The following LRIG2 variants were observed in gnomAD, a reference collection of about 807,000 sequenced individuals.
LRIG2 encodes leucine-rich repeats and immunoglobulin-like domains protein 2.
In LRIG2, 93 loss-of-function variants were observed where a neutral mutation model predicts 107.8. That is an observed-to-expected ratio of 0.86 (90% CI 0.73 to 1.03). LRIG2 has a LOEUF of 1.03. Among genes scored for constraint, LRIG2 ranks in the 50% least tolerant of loss-of-function variants. The pLI is 0.00. For synonymous variants in LRIG2, 471 were observed against 470.6 expected (o/e 1.00, Z -0.01); for missense variants, 1,226 against 1,296.0 (o/e 0.95, Z 0.83).
chr1:113,099,539 T>C (rs1339940380), intron 9 of LRIG2, among the ~76,000 whole-genome samples: 1 of 152,038 alleles, frequency 6.6e-6, no homozygotes. Context: ...CATGCCCAGC[T>C]AGTTTTTTTG....
At position 113,096,438 on chromosome 1, in the gene LRIG2, C is replaced by T. The variant is rs958363353; in HGVS notation, c.1091+73C>T. The T allele has an allele frequency of 8.1e-6, 12 of 1,478,040 alleles. No individual in the cohort carries two copies. The Admixed American group carries it at 2.3e-4, about 29-fold the overall frequency. The allele number at this position is 1,478,040 out of a possible 1,614,324, so 91.6% of individuals were successfully genotyped here. ...GTACAATAAAGCAAATTAATTAAAA[C>T]AACTAATCAGTCTGCAAATTCTGTA... On this transcript the variant is annotated intron_variant, in intron 8 of 17. Coordinates refer to ENST00000361127, the MANE Select transcript of LRIG2 (RefSeq NM_014813.3).
At position 113,106,958 on chromosome 1, in the gene LRIG2, A is replaced by G. The variant is rs554165692; in HGVS notation, c.1314-636A>G. On this transcript the variant is annotated intron_variant, in intron 11 of 17. Coordinates refer to ENST00000361127, the MANE Select transcript of LRIG2 (RefSeq NM_014813.3). ...CCTCAAAAATTTAAAGGAAGGTACA[A>G]TTAACACCCCATACCCTTTATCTAG... Among the ~76,000 whole-genome samples, 21 of 152,324 alleles carry G rather than the reference A, an allele frequency of 1.4e-4. No homozygotes were observed. The South Asian group carries it at 3.7e-3, about 27-fold the overall frequency.
intron 2 of LRIG2, among the ~76,000 whole-genome samples, chr1:113,092,261 C>A (rs530356151): frequency 1.3e-5 from 2 of 152,192 alleles, no homozygotes; most frequent in African/African-American, 4.8e-5. Flanking sequence ...TTTCTGTGTT[C>A]TAGATTGTTG....
Position 113,130,306 on chromosome 1 carries a change from A to G in LRIG2, c.*6205A>G, listed in dbSNP as rs1655657060. ...TTCATGTTTAAAAACAGCTGTCTTC[A>G]CATTGCCCATTGTGAGGTTGTAAAA... is the stretch of plus-strand genomic sequence containing the variant. On this transcript the variant is annotated 3_prime_UTR_variant, in exon 18 of 18. Coordinates refer to ENST00000361127, the MANE Select transcript of LRIG2 (RefSeq NM_014813.3). The G allele has an allele frequency of 6.6e-6, 1 of 152,240 alleles. No homozygotes were observed. The highest frequency in any genetic ancestry group is 1.5e-5 in the Non-Finnish European group (1 of 68,054). 9.4% of individuals were successfully genotyped at this position (152,240 alleles called of 1,614,324 possible).
At chr1:113,082,940 G>A (rs1287645147) in intron 1 of LRIG2, among the ~76,000 whole-genome samples, 1 of 151,726 alleles carries the variant, frequency 6.6e-6, no homozygotes, top group Non-Finnish European at 1.5e-5. Context: ...ACAGGCATGA[G>A]CCACCACGCC....
At chr1:113,082,066 A>G (rs1653313173) in intron 1 of LRIG2, among the ~76,000 whole-genome samples, 1 of 152,230 alleles carries the variant, frequency 6.6e-6, no homozygotes, top group African/African-American at 2.4e-5. Flanking sequence ...TCCAGAATCC[A>G]ATATACTTTG....
chr1:113,093,682 G>A (rs563149175), intron 4 of LRIG2, 118 bp downstream of exon 4: 153 of 543,886 alleles, frequency 2.8e-4, no homozygotes, highest in African/African-American at 2.4e-3. Context: ...TAGATGACGA[G>A]TTAGTGGGTG....
At chr1:113,084,457 C>T (rs187974162) in intron 1 of LRIG2, among the ~76,000 whole-genome samples, 63 of 152,084 alleles carry the variant, frequency 4.1e-4, no homozygotes, top group African/African-American at 1.4e-3. Context: ...CCTTGTGATC[C>T]GCCCGCCTCG....
At chr1:113,110,987 C>T (rs1428292864) in intron 13 of LRIG2, among the ~76,000 whole-genome samples, 1 of 83,220 alleles carries the variant, frequency 1.2e-5, no homozygotes, top group African/African-American at 3.5e-5. Context: ...TACACAGGAT[C>T]ATTTGTGTGT....
At chr1:113,104,359 T>C (rs1654443467) in intron 11 of LRIG2, among the ~76,000 whole-genome samples, 1 of 152,158 alleles carries the variant, frequency 6.6e-6, no homozygotes, top group Non-Finnish European at 1.5e-5. Context: ...CTCAGGGGAC[T>C]TGGGGACTCC....
At chr1:113,087,047 G>A (rs1187982757) in intron 1 of LRIG2, among the ~76,000 whole-genome samples, 1 of 152,208 alleles carries the variant, frequency 6.6e-6, no homozygotes, top group African/African-American at 2.4e-5. Flanking sequence ...GGAGACTGAG[G>A]TAGGAGCATT....
At chr1:113,088,625 A>G (rs750036244) in intron 1 of LRIG2, among the ~76,000 whole-genome samples, 1 of 152,200 alleles carries the variant, frequency 6.6e-6, no homozygotes, top group Non-Finnish European at 1.5e-5. Flanking sequence ...GCTAAGTTAT[A>G]GTAGTCACCA....
At chr1:113,118,725 C>T (rs1284817142) in intron 16 of LRIG2, among the ~76,000 whole-genome samples, 1 of 151,406 alleles carries the variant, frequency 6.6e-6, no homozygotes, top group South Asian at 2.1e-4. Flanking sequence ...AGTGCAGTGG[C>T]GTGATCTCGG....
In LRIG2 at chr1:113,078,781, C is replaced by T. The variant is rs1034116479; in HGVS notation, c.239+5136C>T. On this transcript the variant is annotated intron_variant, in intron 1 of 17. Coordinates refer to ENST00000361127, the MANE Select transcript of LRIG2 (RefSeq NM_014813.3). ...TCAGCCTCCCGAGTAGCTGGGATTA[C>T]AGGCATGCACCACCACGCCCAGCTA... Among the ~76,000 whole-genome samples the T allele has an allele frequency of 2.6e-5, 4 of 151,816 alleles. No individual in the cohort carries two copies. In the South Asian group the frequency reaches 8.3e-4, roughly 32 times the overall value.
Position 113,094,671 on chromosome 1 carries a change from C to G in LRIG2, c.719C>G (p.Ser240Cys). The G allele has an allele frequency of 1.2e-6, 2 of 1,613,890 alleles. No homozygotes were observed. The highest frequency in any genetic ancestry group is 1.7e-6 in the Non-Finnish European group (2 of 1,179,880). Residue 240 changes from serine to cysteine, a missense_variant, in exon 6 of 18, where the codon TCC becomes TGC. Ser to Cys is a moderately radical substitution (Grantham distance 112). Transcript: ENST00000361127. ...GGTCTTACATTCCAAGGGCTTGACT[C>G]CTTAAGATCTTTGAAAATGCAGCGG... is the stretch of plus-strand genomic sequence containing the variant. ...VEGLTFQGLD[S>C]LRSLKMQRNG...
rs1392995116 is a variant in LRIG2, at chr1:113,112,546, A to G, written c.1866A>G (p.Glu622=). The G allele has an allele frequency of 6.2e-7, 1 of 1,614,160 alleles. No individual in the cohort carries two copies. Among genetic ancestry groups the G allele is most frequent in the East Asian group, 2.2e-5 (1 of 44,882 alleles). Residue 622 remains glutamate (E), a synonymous_variant, in exon 14 of 18, where the codon GAA becomes GAG. Transcript: ENST00000361127. The part of the protein sequence containing the change: ...TIRTGAMARL[E]CAAEGHPAPQ... The stretch of plus-strand genomic sequence containing the variant: ...GCACTGGTGCCATGGCCAGATTAGA[A>G]TGTGCTGCAGAGGGACACCCTGCAC...
chr1:113,120,123 A>C (rs1655180377), intron 17 of LRIG2, among the ~76,000 whole-genome samples: 1 of 151,550 alleles, frequency 6.6e-6, no homozygotes, highest in Admixed American at 6.6e-5. Context: ...ATAGGGTATT[A>C]ATTTTTCTCC....
chr1:113,101,428 A>T (rs1330601183), intron 11 of LRIG2, among the ~76,000 whole-genome samples: 1 of 152,230 alleles, frequency 6.6e-6, no homozygotes, highest in African/African-American at 2.4e-5. Flanking sequence ...CCACTAGATT[A>T]TAGAAATTAT....
At chr1:113,103,246 T>C (rs1216813) in intron 11 of LRIG2, 131,722 of 152,170 alleles carry the variant, frequency 0.87, 59,533 homozygotes, top group Non-Finnish European at 0.98. Flanking sequence ...GCACAAACCC[T>C]GTAAAACCAG....
Sources: allele counts gnomAD v4.1 joint callset (sites outside exome capture counted in the v4.1 genomes callset), GRCh38; gene constraint gnomAD v4.1.1; transcripts MANE v1.5; gene names NCBI Gene and HGNC (gene_info 2026-07-23, HGNC 2026-07-21).